ADAMTS9: variants seen among roughly 807,000 people sequenced by gnomAD.
ADAMTS9 encodes the protein A disintegrin and metalloproteinase with thrombospondin motifs 9.
In ADAMTS9, 107 loss-of-function variants were observed where a neutral mutation model predicts 257.1. That is an observed-to-expected ratio of 0.42 (90% CI 0.36 to 0.49). The LOEUF is 0.49. ADAMTS9 is among the 20% of genes least tolerant of loss of function. ADAMTS9 has a pLI of 0.03. For synonymous variants in ADAMTS9, 982 were observed against 880.9 expected, an observed-to-expected ratio of 1.11 and a Z score of -2.03; for missense variants, 2,353 against 2,469.1, an observed-to-expected ratio of 0.95 and a Z score of 1.00.
At position 64,626,353 on chromosome 3, in the gene ADAMTS9, C is replaced by T. The variant is rs372080138; in HGVS notation, c.2390-3767G>A. The stretch of plus-strand genomic sequence containing the variant: ...ATTTTCCAAGAAGGGGGTCAACAAA[C>T]GTTTGTTAAATGAGTAAATGAGTTC... On this transcript the variant is annotated intron_variant, in intron 16 of 39. Coordinates refer to ENST00000498707, the MANE Select transcript of ADAMTS9 (RefSeq NM_182920.2). Among the ~76,000 whole-genome samples, 6 of 152,200 alleles carry T rather than the reference C, an allele frequency of 3.9e-5. No homozygotes were observed. In the East Asian group the frequency reaches 5.8e-4, roughly 15 times the overall value.
Position 64,686,058 on chromosome 3 carries a change from G to T in ADAMTS9, c.516+510C>A, listed in dbSNP as rs372251455. On this transcript the variant is annotated intron_variant, in intron 2 of 39. Coordinates refer to ENST00000498707, the MANE Select transcript of ADAMTS9 (RefSeq NM_182920.2). The surrounding 1 kb of genome is among the most constrained non-coding windows in gnomAD (Gnocchi z 4.6). ...TTCCTGGCGCGTGAATAAAGGCCCT[G>T]AGAGAAAGCGGGGACTCTAGATTAC... 3.3e-5 allele frequency among the ~76,000 whole-genome samples: 5 copies of T among 152,322 alleles called. No individual in the cohort carries two copies. The East Asian group carries it at 7.8e-4, about 24-fold the overall frequency.
At position 64,687,552 on chromosome 3, in the gene ADAMTS9, G is replaced by C; in HGVS notation, c.106C>G (p.Pro36Ala). The C allele has an allele frequency of 1.3e-6, 2 of 1,547,192 alleles. No homozygotes were observed. The highest frequency in any genetic ancestry group is 1.7e-6 in the Non-Finnish European group (2 of 1,146,170). The change falls in exon 1 of 40, where the codon CCG (proline) becomes GCG (alanine). Residue 36 changes from proline to alanine, a missense_variant. Around this residue, in one of 3 missense-constraint regions of ADAMTS9, gnomAD observed 591 missense variants for 569.6 expected, o/e 1.04. Transcript: ENST00000498707. The surrounding 1 kb of genome is among the most constrained non-coding windows in gnomAD (Gnocchi z 4.4). ...GCCGGAGCCTGGTTACCTTGCCTCG[G>C]GTGCAGCCTGTCCTTGCGCACGGCC... ...AAAVRKDRLHPRQVKLLETLS... is the reference protein window; with the variant it reads ...AAAVRKDRLHARQVKLLETLS...
chr3:64,581,819 T>A (rs2084009842), intron 28 of ADAMTS9, among the ~76,000 whole-genome samples: 1 of 152,194 alleles, frequency 6.6e-6, no homozygotes, highest in Non-Finnish European at 1.5e-5. Context: ...TGGTCTTCCA[T>A]CAAATAAAGT....
intron 16 of ADAMTS9, among the ~76,000 whole-genome samples, chr3:64,626,096 G>C (rs142383694): frequency 1.2e-3 from 178 of 152,250 alleles, no homozygotes; most frequent in African/African-American, 4.2e-3. Context: ...TGTATAATGA[G>C]TTTCTTATAG....
intron 4 of ADAMTS9, among the ~76,000 whole-genome samples, chr3:64,656,401 C>G (rs536462678): frequency 5.0e-4 from 76 of 152,214 alleles, no homozygotes; most frequent in African/African-American, 1.8e-3. Flanking sequence ...TGCATTTAGT[C>G]TCTACACAGC....
intron 19 of ADAMTS9, among the ~76,000 whole-genome samples, 158 bp downstream of exon 19, chr3:64,620,956 A>G (rs979165140): frequency 1.3e-5 from 2 of 152,246 alleles, no homozygotes; most frequent in East Asian, 1.9e-4. Context: ...TTGGATAATC[A>G]GTTCCAGAGG....
At chr3:64,677,975 A>C (rs781322679) in intron 3 of ADAMTS9, among the ~76,000 whole-genome samples, 2 of 152,176 alleles carry the variant, frequency 1.3e-5, no homozygotes, top group Non-Finnish European at 2.9e-5. Context: ...GTTATCTCAG[A>C]ATCCTTTTTT....
At chr3:64,609,143 A>G (rs946659703) in intron 22 of ADAMTS9, among the ~76,000 whole-genome samples, 2 of 152,076 alleles carry the variant, frequency 1.3e-5, no homozygotes, top group Non-Finnish European at 2.9e-5. Context: ...AGCAGTTAGG[A>G]AAAAAACCCA....
Position 64,615,964 on chromosome 3 carries a change from G to T in ADAMTS9, c.3020C>A (p.Thr1007Asn), listed in dbSNP as rs2084754593. 6.2e-7 allele frequency: 1 copy of T among 1,612,888 alleles called. No individual in the cohort carries two copies. The highest frequency in any genetic ancestry group is 1.3e-5 in the African/African-American group (1 of 74,984). Residue 1007 changes from threonine (T) to asparagine (N), a missense_variant, in exon 20 of 40, where the codon ACT becomes AAT. By Grantham distance (65) the Thr-to-Asn change is moderately conservative (BLOSUM62 0). This residue lies in a region of ADAMTS9 where 1,402 missense variants were observed against 1,441.4 expected (regional missense o/e 0.97). Coordinates refer to ENST00000498707, the MANE Select transcript of ADAMTS9 (RefSeq NM_182920.2). The stretch of plus-strand genomic sequence containing the variant: ...TTTGAGTGAGAGCCAACTTACTTCA[G>T]TCCAGGCAGAATAGCGCCAGCCACC... Reference protein sequence around the residue: ...NTGGWRYSAWTECSKSCDGGT... With the variant: ...NTGGWRYSAWNECSKSCDGGT...
chr3:64,531,557 T>A (rs1291089691), intron 38 of ADAMTS9, among the ~76,000 whole-genome samples: 1 of 151,546 alleles, frequency 6.6e-6, no homozygotes, highest in Non-Finnish European at 1.5e-5. Context: ...CCTCTTGACA[T>A]CCTGGGCTCA....
Position 64,631,896 on chromosome 3 carries a change from T to C in ADAMTS9, c.2205A>G (p.Ser735=), listed in dbSNP as rs202089780. The C allele has an allele frequency of 1.6e-4, 251 of 1,613,948 alleles. No homozygotes were observed. Among genetic ancestry groups the C allele is most frequent in the Non-Finnish European group, 1.9e-4 (224 of 1,179,932 alleles). The change falls in exon 15 of 40, where the codon TCA becomes TCG. Residue 735 remains serine, a synonymous_variant. Transcript: ENST00000498707. ...RQAGCDHVLN[S]KARRDKCGVC... is the part of the protein sequence containing the mutation. ...CCCCACATTTATCTCTCCGGGCTTT[T>C]GAGTTTAAAACATGATCGCATCCAG...
At chr3:64,640,962 G>A (rs1576150743) in intron 12 of ADAMTS9, among the ~76,000 whole-genome samples, 2 of 152,152 alleles carry the variant, frequency 1.3e-5, no homozygotes. Flanking sequence ...GAATTATTCT[G>A]AAAGGCAAGA....
rs538592986 is a variant in ADAMTS9 at position 64,643,266 on chromosome 3, G to A, written c.1711-1273C>T. 7.2e-5 allele frequency among the ~76,000 whole-genome samples: 11 copies of A among 151,980 alleles called. No homozygotes were observed. The South Asian group carries it at 8.3e-4, about 12-fold the overall frequency. On this transcript the variant is annotated intron_variant, in intron 11 of 39. Coordinates refer to ENST00000498707, the MANE Select transcript of ADAMTS9 (RefSeq NM_182920.2). Reference sequence around the variant, plus strand: ...TATAAAAATAAATGAACAGATGGACGGCTTTGTCTAGAGTACCTCTGTCCA... The same window carrying A: ...TATAAAAATAAATGAACAGATGGACAGCTTTGTCTAGAGTACCTCTGTCCA...
At chr3:64,677,416 GA>G (rs984132757) in intron 3 of ADAMTS9, among the ~76,000 whole-genome samples, 6 of 152,264 alleles carry the variant, frequency 3.9e-5, no homozygotes, top group African/African-American at 1.4e-4. Context: ...TTGCAAGAAA[GA>G]AAATATTTAA....
At chr3:64,590,583 T>C (rs1284248271) in intron 28 of ADAMTS9, among the ~76,000 whole-genome samples, 3 of 152,206 alleles carry the variant, frequency 2.0e-5, no homozygotes, top group Non-Finnish European at 4.4e-5. Context: ...AATCTTTATT[T>C]CTTCTAGGGA....
chr3:64,639,735 AT>A (rs1196953675), intron 12 of ADAMTS9, among the ~76,000 whole-genome samples: 1 of 152,196 alleles, frequency 6.6e-6, no homozygotes, highest in African/African-American at 2.4e-5. Context: ...TATGTAAAAA[AT>A]TCATCATATT....
At chr3:64,634,240 A>G (rs368905260) in intron 12 of ADAMTS9, among the ~76,000 whole-genome samples, 1 of 152,120 alleles carries the variant, frequency 6.6e-6, no homozygotes, top group East Asian at 1.9e-4. Flanking sequence ...CCCAACATTC[A>G]TGGTGCTTCA....
intron 38 of ADAMTS9, among the ~76,000 whole-genome samples, chr3:64,526,808 T>G (rs1250539759): frequency 6.6e-6 from 1 of 152,200 alleles, no homozygotes; most frequent in African/African-American, 2.4e-5. Flanking sequence ...AGATAATGCA[T>G]GTAATGTGCT....
intron 30 of ADAMTS9, among the ~76,000 whole-genome samples, chr3:64,560,126 T>C (rs1576017393): frequency 1.3e-5 from 2 of 152,350 alleles, no homozygotes; most frequent in Non-Finnish European, 2.9e-5. Context: ...AAATGGATAA[T>C]CCAAGGCTCA....
Sources: gnomAD v4.1 joint callset for allele counts (sites outside exome capture counted in the v4.1 genomes callset) on GRCh38, gnomAD v4.1.1 for gene constraint, gnomAD v4.1.1 regional missense constraint, Gnocchi (gnomAD v3.1) non-coding constraint, MANE v1.5 for transcripts, NCBI Gene and HGNC (gene_info 2026-07-23, HGNC 2026-07-21) for gene names.